Variants in TBX5 observed in about 807,000 individuals in gnomAD.
The protein encoded by TBX5 is T-box transcription factor TBX5.
Under a neutral mutation model 51.1 loss-of-function variants are expected in TBX5, and 8 were observed. The observed-to-expected ratio is 0.16, with a 90% CI of 0.09 to 0.28. The LOEUF is 0.28. Among genes scored for constraint, TBX5 ranks in the 10% least tolerant of loss-of-function variants. The pLI, the probability that TBX5 is intolerant of heterozygous loss-of-function variation, is 1.00. For synonymous variants in TBX5, 302 were observed against 266.4 expected (o/e 1.13, Z -1.30); for missense variants, 589 against 671.7 (o/e 0.88, Z 1.36).
At chr12:114,377,710 C>T (rs962498869) in intron 7 of TBX5, among the ~76,000 whole-genome samples, 2 of 151,980 alleles carry the variant, frequency 1.3e-5, no homozygotes, top group African/African-American at 4.8e-5. Context: ...TGAGCCACCA[C>T]ACCTAGCGAC....
chr12:114,363,198 A>G (rs1020188817), intron 8 of TBX5, among the ~76,000 whole-genome samples: 1 of 152,188 alleles, frequency 6.6e-6, no homozygotes, highest in Non-Finnish European at 1.5e-5. Flanking sequence ...AGGCCCAGAA[A>G]GGTAAAACAA....
At chr12:114,402,035 T>C in intron 2 of TBX5, 115 bp from the exon 3 acceptor site, 1 of 957,392 alleles carries the variant, frequency 1.0e-6, no homozygotes, top group Non-Finnish European at 1.6e-6. Flanking sequence ...GCCTGTGGTC[T>C]CAGAGAGTAA....
At chr12:114,366,137 C>A (rs1337921869) in intron 8 of TBX5, 28 bp downstream of exon 8, 5 of 1,611,628 alleles carry the variant, frequency 3.1e-6, no homozygotes, top group Non-Finnish European at 2.5e-6. Flanking sequence ...AGAAAGAAAG[C>A]AAATTGACCA....
Position 114,355,953 on chromosome 12 carries a change from A to C in TBX5, c.1136T>G (p.Met379Arg). 6.2e-7 allele frequency: 1 copy of C among 1,613,998 alleles called. No homozygotes were observed. Among genetic ancestry groups the C allele is most frequent in the Non-Finnish European group, 8.5e-7 (1 of 1,180,030 alleles). ...RTESAQRQACMYASSAPPSEP... is the reference protein window; with the variant it reads ...RTESAQRQACRYASSAPPSEP... ...GCTGGGGGGCGCAGAGCTGGCATACATGCAAGCTTGCCGCTGTGCCGACTC... is the reference window on the plus strand; with the variant it reads ...GCTGGGGGGCGCAGAGCTGGCATACCTGCAAGCTTGCCGCTGTGCCGACTC... Residue 379 changes from methionine to arginine, a missense_variant, in exon 9 of 9, where the codon ATG (methionine) becomes AGG (arginine). Physicochemically the swap from Met to Arg is moderately conservative, Grantham distance 91. This residue lies in a region of TBX5 where 348 missense variants were observed against 360.4 expected (regional missense o/e 0.97). Transcript: ENST00000405440.
Position 114,385,590 on chromosome 12 carries a change from A to G in TBX5, c.664-23T>C, listed in dbSNP as rs375415133. The G allele has an allele frequency of 4.4e-6, 7 of 1,604,238 alleles. No homozygotes were observed. In the South Asian group the frequency reaches 7.7e-5, roughly 18 times the overall value. On this transcript the variant is annotated intron_variant, in intron 6 of 8. Transcript: ENST00000405440. ...GATCTGAAGGAAAGAGGAAGAGAGA[A>G]CAAGCTGGTTTTCACTTGATTGCTG...
At chr12:114,408,337 G>T, upstream of TBX5, 1 of 472,302 alleles carries the variant, frequency 2.1e-6, no homozygotes, top group Non-Finnish European at 2.8e-6. Context: ...TTAGGAAGGG[G>T]GAGAGGAGGG....
chr12:114,405,600 C>T (rs1762939227), intron 1 of TBX5, 28 bp downstream of exon 1: 4 of 711,674 alleles, frequency 5.6e-6, no homozygotes, highest in African/African-American at 1.9e-5. Context: ...CCTCCTGAGC[C>T]TCCCGGGCCA....
chr12:114,356,774 A>G (rs952965258), intron 8 of TBX5, among the ~76,000 whole-genome samples: 1 of 152,218 alleles, frequency 6.6e-6, no homozygotes, highest in Non-Finnish European at 1.5e-5. Flanking sequence ...CCAGGAAGTA[A>G]CACATTTAAT....
At position 114,399,280 on chromosome 12, in the gene TBX5, G is replaced by A. The variant is rs112645043; in HGVS notation, c.362+233C>T. Among the ~76,000 whole-genome samples, 790 of 152,252 alleles carry A rather than the reference G, an allele frequency of 5.2e-3. 8 individuals carry two copies. Among genetic ancestry groups the A allele is most frequent in the African/African-American group, 0.018 (748 of 41,538 alleles). On this transcript the variant is annotated intron_variant, in intron 4 of 8. Coordinates refer to ENST00000405440, the MANE Select transcript of TBX5 (RefSeq NM_181486.4). Reference sequence around the variant, plus strand: ...CCTGTGGGTGCAGCAATAGACACAGGCACCTCACTTCCTCTGAGCCTCCGC... The same window carrying A: ...CCTGTGGGTGCAGCAATAGACACAGACACCTCACTTCCTCTGAGCCTCCGC...
chr12:114,399,466 G>T (rs747283420), intron 4 of TBX5, 47 bp downstream of exon 4: 11 of 1,612,642 alleles, frequency 6.8e-6, no homozygotes, highest in Non-Finnish European at 7.6e-6. Context: ...TTGGGAGAAG[G>T]TTCCACTTTT....
chr12:114,396,284 G>A (rs1402449192), intron 5 of TBX5, among the ~76,000 whole-genome samples: 1 of 151,862 alleles, frequency 6.6e-6, no homozygotes, highest in African/African-American at 2.4e-5. Flanking sequence ...GCGGCGTGGC[G>A]ACAGAGAGAC....
chr12:114,401,748 T>G, intron 3 of TBX5, 78 bp downstream of exon 3: 3 of 1,382,562 alleles, frequency 2.2e-6, no homozygotes, highest in Non-Finnish European at 3.1e-6. Context: ...TTCCTTCTTC[T>G]CTTCCAAGCC....
At chr12:114,384,105 C>A (rs937228641) in intron 7 of TBX5, among the ~76,000 whole-genome samples, 6 of 152,142 alleles carry the variant, frequency 3.9e-5, no homozygotes, top group African/African-American at 1.4e-4. Flanking sequence ...ATGCTTAAAA[C>A]CAAAAATAAA....
At chr12:114,381,456 G>A (rs563474178) in intron 7 of TBX5, among the ~76,000 whole-genome samples, 1 of 152,222 alleles carries the variant, frequency 6.6e-6, no homozygotes, top group South Asian at 2.1e-4. Context: ...CTGGGGGTTG[G>A]GAGAATGACC....
At chr12:114,398,782 G>A in intron 4 of TBX5, 62 bp from the exon 5 acceptor site, 3 of 1,556,914 alleles carry the variant, frequency 1.9e-6, no homozygotes, top group Non-Finnish European at 1.7e-6. Context: ...GCACTGCACC[G>A]AAGCGTGCTT....
Position 114,366,151 on chromosome 12 carries a change from G to T in TBX5, c.982+14C>A. The T allele has an allele frequency of 1.9e-6, 3 of 1,613,538 alleles. No homozygotes were observed. The highest frequency in any genetic ancestry group is 2.5e-6 in the Non-Finnish European group (3 of 1,179,438). ...AAGAAAGAAAGCAAATTGACCAGGG[G>T]TGATCACACTCACCTTTCCTCTTGG... On this transcript the variant is annotated intron_variant, in intron 8 of 8. Transcript: ENST00000405440.
intron 2 of TBX5, among the ~76,000 whole-genome samples, chr12:114,402,465 C>T (rs922851926): frequency 6.6e-6 from 1 of 152,184 alleles, no homozygotes; most frequent in Non-Finnish European, 1.5e-5. Context: ...TTATTCTCGA[C>T]CATGGTGAGT....
chr12:114,376,409 C>T (rs573741420), intron 7 of TBX5, among the ~76,000 whole-genome samples: 20 of 152,278 alleles, frequency 1.3e-4, no homozygotes, highest in African/African-American at 4.8e-4. Context: ...ATCAACATGA[C>T]ATGACTCACT....
intron 3 of TBX5, 48 bp downstream of exon 3, chr12:114,401,778 T>G (rs1257403228): frequency 1.3e-6 from 2 of 1,578,876 alleles, no homozygotes; most frequent in African/African-American, 2.7e-5. Context: ...TCTTCACCTC[T>G]CCCACAATTT....
Sources: allele counts gnomAD v4.1 joint callset (sites outside exome capture counted in the v4.1 genomes callset), GRCh38; gene constraint gnomAD v4.1.1; regional missense constraint gnomAD v4.1.1; transcripts MANE v1.5; gene names NCBI Gene and HGNC (gene_info 2026-07-23, HGNC 2026-07-21).